The following CCDC192 variants were observed in gnomAD, a reference collection of about 807,000 sequenced individuals.
CCDC192 encodes the protein coiled-coil domain containing 192, also known as coiled-coil domain-containing protein 192.
intron 6 of CCDC192, among the ~76,000 whole-genome samples, chr5:127,883,497 T>G (rs1752434494): frequency 6.6e-6 from 1 of 152,184 alleles, no homozygotes; most frequent in Non-Finnish European, 1.5e-5. Context: ...AATCTATAGG[T>G]CTCATTCAGA....
At chr5:127,757,782 ACACACACACACACACACTCT>A (rs1754684149) in intron 3 of CCDC192, among the ~76,000 whole-genome samples, 1 of 93,952 alleles carries the variant, frequency 1.1e-5, no homozygotes, top group Admixed American at 1.3e-4. Context: ...ACACACACAC[ACACACACACACACACACTCT>A]CTCTCTCTCT....
In CCDC192 at chr5:127,733,938, T is replaced by A. The variant is rs952109561; in HGVS notation, c.115-20330T>A. Among the ~76,000 whole-genome samples the A allele has an allele frequency of 2.9e-3, 438 of 150,722 alleles. 2 individuals are homozygous for A. Among genetic ancestry groups the A allele is most frequent in the Non-Finnish European group, 3.9e-3 (267 of 67,670 alleles). Reference sequence around the variant, plus strand: ...AACTATATATATATATATATTTTTTTATTATACTTTAAGTTTTAGGGTACA... The same window carrying A: ...AACTATATATATATATATATTTTTTAATTATACTTTAAGTTTTAGGGTACA... On this transcript the variant is annotated intron_variant, in intron 2 of 6. Coordinates refer to ENST00000514853, the MANE Select transcript of CCDC192 (RefSeq NM_001317938.2).
At position 127,784,612 on chromosome 5, in the gene CCDC192, G is replaced by A. The variant is rs986652000; in HGVS notation, c.223-12491G>A. ...ACACACAGTCAGACCCTTCCTGGAG[G>A]GTTAAGCCAAGTAACTGTAGGTGTG... is the stretch of plus-strand genomic sequence containing the variant. On this transcript the variant is annotated intron_variant, in intron 3 of 6. Transcript: ENST00000514853. The A allele has an allele frequency of 1.6e-5, 10 of 627,880 alleles. No homozygotes were observed. The Admixed American group carries it at 2.0e-4, about 13-fold the overall frequency. The allele number at this position is 627,880 out of a possible 1,614,324, so 38.9% of individuals were successfully genotyped here.
chr5:127,737,732 A>G (rs1753108882), intron 2 of CCDC192, among the ~76,000 whole-genome samples: 1 of 151,454 alleles, frequency 6.6e-6, no homozygotes, highest in South Asian at 2.1e-4. Flanking sequence ...AGTCTGTTTT[A>G]TCAGAGACTA....
At chr5:127,868,291 A>C (rs1291165920) in intron 5 of CCDC192, among the ~76,000 whole-genome samples, 1 of 152,148 alleles carries the variant, frequency 6.6e-6, no homozygotes, top group East Asian at 1.9e-4. Context: ...GCAGCATAAT[A>C]TGGGGTCAGA....
chr5:127,923,206 T>C (rs1263434737), intron 6 of CCDC192, among the ~76,000 whole-genome samples: 4 of 152,318 alleles, frequency 2.6e-5, no homozygotes, highest in African/African-American at 9.6e-5. Context: ...ACACTATTAT[T>C]GAAATTTGGT....
intron 3 of CCDC192, among the ~76,000 whole-genome samples, chr5:127,782,744 T>C (rs1179974253): frequency 6.6e-6 from 1 of 152,178 alleles, no homozygotes; most frequent in African/African-American, 2.4e-5. Context: ...ATTTTATTTA[T>C]CTTTTCAAAG....
Position 127,798,142 on chromosome 5 carries a change from C to T in CCDC192, c.391C>T (p.Gln131Ter), listed in dbSNP as rs910668306. The T allele has an allele frequency of 5.0e-6, 2 of 398,334 alleles. No individual in the cohort carries two copies. The highest frequency in any genetic ancestry group is 8.9e-6 in the Non-Finnish European group (2 of 225,630). 24.7% of individuals were successfully genotyped at this position (398,334 alleles called of 1,614,324 possible). Residue 131 changes from glutamine to a stop codon, truncating the protein, a stop_gained, in exon 5 of 7, where the codon CAG becomes TAG. Coordinates refer to ENST00000514853, the MANE Select transcript of CCDC192 (RefSeq NM_001317938.2). LOFTEE classifies it high-confidence loss of function. ...ATTGCAAGCTGAAGTAAAAGCTTCC[C>T]AGGAGCAACTTATAGCCCAGGTAAG... Reference protein sequence around the residue: ...QKLQAEVKASQEQLIAQKLKH... With the variant: ...QKLQAEVKAS
intron 6 of CCDC192, among the ~76,000 whole-genome samples, chr5:127,922,244 A>C (rs550179411): frequency 4.7e-4 from 71 of 152,288 alleles, no homozygotes; most frequent in African/African-American, 1.7e-3. Context: ...GATTTGCTTC[A>C]TTTTAAGCTA....
intron 3 of CCDC192, among the ~76,000 whole-genome samples, chr5:127,757,097 T>C (rs1159229258): frequency 1.3e-5 from 2 of 152,212 alleles, no homozygotes; most frequent in Admixed American, 6.5e-5. Flanking sequence ...GTTAGGTGTT[T>C]TGTGGGAAAG....
chr5:127,794,530 A>T (rs974262567), intron 3 of CCDC192, among the ~76,000 whole-genome samples: 1 of 152,206 alleles, frequency 6.6e-6, no homozygotes, highest in African/African-American at 2.4e-5. Flanking sequence ...ACTATTATTA[A>T]TATTATTTAT....
At chr5:127,715,918 C>A (rs573488840) in intron 2 of CCDC192, among the ~76,000 whole-genome samples, 2 of 152,220 alleles carry the variant, frequency 1.3e-5, no homozygotes, top group East Asian at 3.9e-4. Flanking sequence ...TTGACTAGGG[C>A]TTCCAGTACT....
At position 127,790,386 on chromosome 5, in the gene CCDC192, TG is replaced by T. The variant is rs1445585626; in HGVS notation, c.223-6716del. Among the ~76,000 whole-genome samples, 3 of 152,352 alleles carry T rather than the reference TG, an allele frequency of 2.0e-5. No homozygotes were observed. In the East Asian group the frequency reaches 5.8e-4, roughly 29 times the overall value. ...TGGGTACATATAATATTTTGATATA[TG>T]TATACAATGTGTAATGATCAAATCA... is the stretch of plus-strand genomic sequence containing the variant. On this transcript the variant is annotated intron_variant, in intron 3 of 6. Transcript: ENST00000514853.
intron 6 of CCDC192, among the ~76,000 whole-genome samples, chr5:127,876,241 A>G (rs972552616): frequency 1.1e-5 from 1 of 92,768 alleles, no homozygotes; most frequent in East Asian, 2.7e-4. Context: ...GGCAACAAAC[A>G]AGCAAACAAC....
intron 5 of CCDC192, among the ~76,000 whole-genome samples, chr5:127,852,530 C>T (rs1199953168): frequency 6.6e-6 from 1 of 152,160 alleles, no homozygotes; most frequent in African/African-American, 2.4e-5. Flanking sequence ...CCAGATATCT[C>T]CATCTCACGT....
chr5:127,884,448 T>C, intron 6 of CCDC192, among the ~76,000 whole-genome samples: 1 of 151,926 alleles, frequency 6.6e-6, no homozygotes, highest in African/African-American at 2.4e-5. Context: ...TTCTTTTTTT[T>C]CCTTAGGTAG....
chr5:127,723,018 T>G (rs182204973), intron 2 of CCDC192, among the ~76,000 whole-genome samples: 164 of 152,320 alleles, frequency 1.1e-3, no homozygotes, highest in African/African-American at 3.7e-3. Context: ...TGTTAGAGAT[T>G]GCATTGAATC....
chr5:127,831,991 G>A (rs1749819431), intron 5 of CCDC192, among the ~76,000 whole-genome samples: 1 of 150,920 alleles, frequency 6.6e-6, no homozygotes, highest in African/African-American at 2.4e-5. Flanking sequence ...ATAAATAGAA[G>A]GAATTAAATA....
At chr5:127,717,928 CAAAAA>C in intron 2 of CCDC192, among the ~76,000 whole-genome samples, 1 of 98,074 alleles carries the variant, frequency 1.0e-5, no homozygotes, top group African/African-American at 3.9e-5. Flanking sequence ...TAAAGCTAGA[CAAAAA>C]AAAAAAAAAA....
Sources: gnomAD v4.1 joint callset for allele counts (sites outside exome capture counted in the v4.1 genomes callset) on GRCh38, gnomAD v4.1.1 for gene constraint, MANE v1.5 for transcripts, NCBI Gene and HGNC (gene_info 2026-07-23, HGNC 2026-07-21) for gene names.